The following SULT1B1 variants were observed in gnomAD, a reference collection of about 807,000 sequenced individuals.
SULT1B1 encodes sulfotransferase 1B1.
Under a neutral mutation model 34.6 loss-of-function variants are expected in SULT1B1, and 28 were observed. That is an observed-to-expected ratio of 0.81 (90% CI 0.60 to 1.11). The LOEUF is 1.11. Ranked by LOEUF, SULT1B1 falls within the 50% of genes least tolerant of loss-of-function variation. The probability of loss-of-function intolerance (pLI) is 0.00; values close to 1 mark genes in which losing one functional copy is unlikely to be tolerated. For missense variants in SULT1B1, 374 were observed against 352.2 expected (o/e 1.06, Z -0.50); for synonymous variants, 147 against 110.2 (o/e 1.33, Z -2.09).
rs1295299343 is a variant in SULT1B1, at chr4:69,727,174, AG to A, written c.804del (p.Phe269SerfsTer36). 1 of 1,611,570 alleles carries A rather than the reference AG, an allele frequency of 6.2e-7. No individual in the cohort carries two copies. Among genetic ancestry groups the A allele is most frequent in the South Asian group, 1.1e-5 (1 of 90,822 alleles). The part of the protein sequence containing the change: ...RKGTAGDWKN[Y>X]FTVAQNEKFD... ...AATTTCTCATTTTGGGCCACGGTGA[AG>A]TAATTCTTCCAGTCACCAGCCGTCC... On this transcript the variant is annotated frameshift_variant, in exon 8 of 8. Transcript: ENST00000310613. LOFTEE classifies it high-confidence loss of function.
chr4:69,738,609 G>A (rs894205012), intron 4 of SULT1B1, among the ~76,000 whole-genome samples: 4 of 152,106 alleles, frequency 2.6e-5, no homozygotes. Context: ...AATTGAAGAT[G>A]AGATTTGGGT....
chr4:69,750,376 C>T (rs192791981), intron 3 of SULT1B1, among the ~76,000 whole-genome samples: 1 of 152,062 alleles, frequency 6.6e-6, no homozygotes. Flanking sequence ...AATGTGTAAT[C>T]TTTAGATATT....
At chr4:69,750,131 C>A (rs998953072) in intron 3 of SULT1B1, among the ~76,000 whole-genome samples, 1 of 152,236 alleles carries the variant, frequency 6.6e-6, no homozygotes, top group South Asian at 2.1e-4. Context: ...ATAATACCCT[C>A]TTTAATAATT....
intron 7 of SULT1B1, among the ~76,000 whole-genome samples, chr4:69,729,082 T>C (rs774350423): frequency 3.9e-5 from 6 of 152,108 alleles, no homozygotes; most frequent in Non-Finnish European, 8.8e-5. Flanking sequence ...AATTTTCATA[T>C]GATTTGAGAT....
intron 4 of SULT1B1, among the ~76,000 whole-genome samples, chr4:69,737,180 A>C (rs1718353017): frequency 6.6e-6 from 1 of 152,222 alleles, no homozygotes; most frequent in African/African-American, 2.4e-5. Context: ...TGAAGGCCAA[A>C]GGGAAATAGC....
intron 5 of SULT1B1, 64 bp downstream of exon 5, chr4:69,734,074 G>C: frequency 7.9e-7 from 1 of 1,267,332 alleles, no homozygotes; most frequent in Non-Finnish European, 1.1e-6. Flanking sequence ...AGTCATAAAA[G>C]TTATTGTTAA....
chr4:69,741,840 G>C (rs1718563631), intron 4 of SULT1B1, among the ~76,000 whole-genome samples: 2 of 152,136 alleles, frequency 1.3e-5, no homozygotes, highest in African/African-American at 4.8e-5. Flanking sequence ...GAAATAATGT[G>C]ACTTCCTCTC....
At chr4:69,756,278 C>G (rs188476020) in intron 1 of SULT1B1, among the ~76,000 whole-genome samples, 53 of 151,964 alleles carry the variant, frequency 3.5e-4, no homozygotes, top group Non-Finnish European at 1.3e-4. Context: ...TCCTTGTTTA[C>G]ATGTCTGATA....
rs879177190 is a variant in SULT1B1, at chr4:69,723,460, G to A, written c.*3628C>T. ...CTACCAGAGGTCCAAGGAGGAGCTG[G>A]TACCATTCCTTCTGAAACTATTCCA... On this transcript the variant is annotated 3_prime_UTR_variant, in exon 8 of 8. Coordinates refer to ENST00000310613, the MANE Select transcript of SULT1B1 (RefSeq NM_014465.4). The A allele has an allele frequency of 6.6e-6, 1 of 152,326 alleles. No homozygotes were observed. The highest frequency in any genetic ancestry group is 6.5e-5 in the Admixed American group (1 of 15,274). 9.4% of individuals were successfully genotyped at this position (152,326 alleles called of 1,614,324 possible).
At chr4:69,738,694 A>G (rs762834829) in intron 4 of SULT1B1, among the ~76,000 whole-genome samples, 3 of 152,142 alleles carry the variant, frequency 2.0e-5, no homozygotes, top group Non-Finnish European at 2.9e-5. Context: ...TCAAAACACA[A>G]TTATGTGCTT....
At chr4:69,752,444 T>G (rs1002244898) in intron 3 of SULT1B1, among the ~76,000 whole-genome samples, 14 of 152,276 alleles carry the variant, frequency 9.2e-5, no homozygotes, top group African/African-American at 3.4e-4. Flanking sequence ...ATGAAATATA[T>G]TAATATATAA....
chr4:69,747,060 A>C (rs1384677331), intron 4 of SULT1B1, among the ~76,000 whole-genome samples: 4 of 152,122 alleles, frequency 2.6e-5, no homozygotes, highest in Non-Finnish European at 4.4e-5. Flanking sequence ...GAGGTCAAGC[A>C]CCTGCTCTAC....
At chr4:69,736,931 A>G (rs2110020979) in intron 4 of SULT1B1, among the ~76,000 whole-genome samples, 1 of 152,218 alleles carries the variant, frequency 6.6e-6, no homozygotes, top group South Asian at 2.1e-4. Flanking sequence ...AGGAACTGAA[A>G]CAGTATTTGG....
rs1310740796 is a variant in SULT1B1 at position 69,730,538 on chromosome 4, T to C, written c.741A>G (p.Thr247=). Reference sequence around the variant, plus strand: ...AAGGGGATTTGCTATGATCCATCACTGTAGTTGGTAGATGTGTATAATTTA... The same window carrying C: ...AAGGGGATTTGCTATGATCCATCACCGTAGTTGGTAGATGTGTATAATTTA... The part of the protein sequence containing the change: ...PLVNYTHLPT[T]VMDHSKSPFM... Residue 247 remains threonine (T), a synonymous_variant, in exon 7 of 8, where the codon ACA becomes ACG. Transcript: ENST00000310613. The C allele has an allele frequency of 1.9e-6, 3 of 1,611,234 alleles. No homozygotes were observed. Among genetic ancestry groups the C allele is most frequent in the African/African-American group, 1.3e-5 (1 of 75,002 alleles).
intron 1 of SULT1B1, among the ~76,000 whole-genome samples, chr4:69,759,955 A>AT (rs1719330963): frequency 6.6e-6 from 1 of 152,198 alleles, no homozygotes; most frequent in Non-Finnish European, 1.5e-5. Flanking sequence ...TTAAAACTAT[A>AT]TTTTTCCATC....
In SULT1B1 at chr4:69,723,156, T is replaced by C. The variant is rs1425461126; in HGVS notation, c.*3932A>G. 2 of 150,548 alleles carry C rather than the reference T, an allele frequency of 1.3e-5. No individual in the cohort carries two copies. Among genetic ancestry groups the C allele is most frequent in the Non-Finnish European group, 3.0e-5 (2 of 67,664 alleles). 9.3% of individuals were successfully genotyped at this position (150,548 alleles called of 1,614,324 possible). On this transcript the variant is annotated 3_prime_UTR_variant, in exon 8 of 8. Coordinates refer to ENST00000310613, the MANE Select transcript of SULT1B1 (RefSeq NM_014465.4). The stretch of plus-strand genomic sequence containing the variant: ...TAATAAAGAAGAAAAGAGAGAAGAA[T>C]CAAATAGATGCAATAAAAAAAGATA...
At chr4:69,729,118 G>A (rs990365770) in intron 7 of SULT1B1, among the ~76,000 whole-genome samples, 4 of 151,914 alleles carry the variant, frequency 2.6e-5, no homozygotes, top group East Asian at 1.9e-4. Context: ...TTATATTCAC[G>A]TATCTATCAC....
chr4:69,735,943 A>G (rs1375295726), intron 4 of SULT1B1, among the ~76,000 whole-genome samples: 7 of 152,188 alleles, frequency 4.6e-5, no homozygotes, highest in Non-Finnish European at 8.8e-5. Flanking sequence ...TAAAACAGCC[A>G]CTGAAGATGA....
intron 4 of SULT1B1, among the ~76,000 whole-genome samples, chr4:69,741,365 G>T (rs560649160): frequency 5.3e-5 from 8 of 152,180 alleles, no homozygotes; most frequent in African/African-American, 1.9e-4. Context: ...AGCTATTTGG[G>T]TTCTTTTTTT....
Sources: gnomAD v4.1 joint callset for allele counts (sites outside exome capture counted in the v4.1 genomes callset) on GRCh38, gnomAD v4.1.1 for gene constraint, MANE v1.5 for transcripts, NCBI Gene and HGNC (gene_info 2026-07-23, HGNC 2026-07-21) for gene names.